The following SMYD3 variants were observed in gnomAD, a reference collection of about 807,000 sequenced individuals.
The protein encoded by SMYD3 is histone-lysine N-methyltransferase SMYD3.
Under a neutral mutation model 57.7 loss-of-function variants are expected in SMYD3, and 36 were observed. The ratio of observed to expected loss-of-function variants is 0.62; its 90% CI spans 0.48 to 0.82. The LOEUF (loss-of-function observed/expected upper bound fraction) is 0.82. Ranked by LOEUF, SMYD3 falls within the 40% of genes least tolerant of loss-of-function variation. The probability of loss-of-function intolerance (pLI) is 0.00; values close to 1 mark genes in which losing one functional copy is unlikely to be tolerated. For missense variants in SMYD3, 515 were observed against 538.8 expected, an observed-to-expected ratio of 0.96 and a Z score of 0.44; for synonymous variants, 211 against 195.0, an observed-to-expected ratio of 1.08 and a Z score of -0.68.
At chr1:246,117,723 T>C (rs970265734) in intron 5 of SMYD3, among the ~76,000 whole-genome samples, 1 of 152,218 alleles carries the variant, frequency 6.6e-6, no homozygotes, top group African/African-American at 2.4e-5. Flanking sequence ...ATGTGCAGGA[T>C]GTGCAGGTTT....
intron 8 of SMYD3, among the ~76,000 whole-genome samples, chr1:245,893,684 G>A (rs1191352209): frequency 6.6e-6 from 1 of 152,202 alleles, no homozygotes; most frequent in South Asian, 2.1e-4. Context: ...GGTGCTGGGA[G>A]TGGGGTATAG....
At chr1:245,780,834 A>C (rs2046802346) in intron 10 of SMYD3, among the ~76,000 whole-genome samples, 1 of 152,246 alleles carries the variant, frequency 6.6e-6, no homozygotes, top group Non-Finnish European at 1.5e-5. Context: ...ATCATAGCCA[A>C]AAAAGTGGAA....
At chr1:245,913,293 A>G (rs1377088752) in intron 8 of SMYD3, among the ~76,000 whole-genome samples, 1 of 150,104 alleles carries the variant, frequency 6.7e-6, no homozygotes, top group Non-Finnish European at 1.5e-5. Context: ...GTTCTCACTC[A>G]TAGGTGGGAA....
intron 11 of SMYD3, among the ~76,000 whole-genome samples, chr1:245,761,415 T>C (rs1315988905): frequency 6.6e-6 from 1 of 152,184 alleles, no homozygotes; most frequent in Non-Finnish European, 1.5e-5. Flanking sequence ...TGATGGTCAG[T>C]ACCATCAGCC....
chr1:245,911,200 AAAAGT>A (rs1476970347), intron 8 of SMYD3, among the ~76,000 whole-genome samples: 1 of 152,162 alleles, frequency 6.6e-6, no homozygotes, highest in African/African-American at 2.4e-5. Context: ...GCTACTATAA[AAAAGT>A]AAGAAAATAA....
chr1:246,188,417 T>A (rs566118268), intron 5 of SMYD3, among the ~76,000 whole-genome samples: 18 of 152,334 alleles, frequency 1.2e-4, no homozygotes, highest in African/African-American at 2.4e-4. Context: ...CTGACTTTTT[T>A]AAAAATATTT....
chr1:245,784,717 C>CA (rs1357466440), intron 10 of SMYD3, among the ~76,000 whole-genome samples: 1 of 152,118 alleles, frequency 6.6e-6, no homozygotes, highest in African/African-American at 2.4e-5. Flanking sequence ...AGGACCAAGG[C>CA]AGAAGCTGCA....
chr1:246,004,630 A>T (rs1449078451), intron 5 of SMYD3, among the ~76,000 whole-genome samples: 2 of 152,150 alleles, frequency 1.3e-5, no homozygotes, highest in Non-Finnish European at 2.9e-5. Flanking sequence ...AAACAAAATA[A>T]CCTTTCCAGG....
At chr1:246,421,804 C>G (rs911573301) in intron 1 of SMYD3, among the ~76,000 whole-genome samples, 29 of 152,182 alleles carry the variant, frequency 1.9e-4, no homozygotes, top group Non-Finnish European at 3.4e-4. Flanking sequence ...AGAACACACT[C>G]GAAAGCTGGG....
chr1:246,365,904 A>G (rs2066093482), intron 1 of SMYD3, among the ~76,000 whole-genome samples: 1 of 152,168 alleles, frequency 6.6e-6, no homozygotes, highest in Non-Finnish European at 1.5e-5. Context: ...AAACCTCTTT[A>G]AGATGAATTC....
At chr1:245,884,958 T>C (rs1038805144) in intron 8 of SMYD3, among the ~76,000 whole-genome samples, 6 of 152,112 alleles carry the variant, frequency 3.9e-5, no homozygotes, top group Non-Finnish European at 7.4e-5. Context: ...GTTCTTTTGC[T>C]CTTCACAATA....
chr1:246,217,632 A>C (rs1029046431), intron 5 of SMYD3, among the ~76,000 whole-genome samples: 2 of 152,202 alleles, frequency 1.3e-5, no homozygotes, highest in Non-Finnish European at 2.9e-5. Flanking sequence ...TGGTATTATC[A>C]GAATTTAAAG....
At chr1:246,298,715 A>G (rs2148609144) in intron 5 of SMYD3, among the ~76,000 whole-genome samples, 1 of 152,174 alleles carries the variant, frequency 6.6e-6, no homozygotes, top group Admixed American at 6.5e-5. Context: ...ATACTTCATC[A>G]TATAAAGAAG....
intron 5 of SMYD3, among the ~76,000 whole-genome samples, chr1:246,000,466 G>C (rs961910993): frequency 2.0e-5 from 3 of 152,140 alleles, no homozygotes; most frequent in Admixed American, 6.5e-5. Flanking sequence ...GCTGTGGTCT[G>C]CAGGGGGCGT....
chr1:245,947,011 A>C (rs2057448089), intron 5 of SMYD3, among the ~76,000 whole-genome samples: 1 of 152,188 alleles, frequency 6.6e-6, no homozygotes, highest in South Asian at 2.1e-4. Context: ...ATCAATTTAG[A>C]AACAAATGAG....
chr1:246,496,784 C>A (rs1164080093), intron 1 of SMYD3, among the ~76,000 whole-genome samples: 1 of 152,142 alleles, frequency 6.6e-6, no homozygotes, highest in African/African-American at 2.4e-5. Context: ...AGGAGCACAC[C>A]ACTGCACTCC....
intron 5 of SMYD3, among the ~76,000 whole-genome samples, chr1:246,310,968 TAACAGTAA>T (rs1467978080): frequency 6.6e-6 from 1 of 152,128 alleles, no homozygotes; most frequent in Non-Finnish European, 1.5e-5. Flanking sequence ...ACACCTGGCC[TAACAGTAA>T]GGCTTTAAAG....
intron 8 of SMYD3, among the ~76,000 whole-genome samples, chr1:245,897,970 G>A (rs1421723955): frequency 6.6e-6 from 1 of 152,150 alleles, no homozygotes; most frequent in Non-Finnish European, 1.5e-5. Flanking sequence ...ACTCGCTGTG[G>A]AAGTCCAGTA....
chr1:245,764,185 C>T, intron 10 of SMYD3, 36 bp from the exon 11 acceptor site: 2 of 1,438,754 alleles, frequency 1.4e-6, no homozygotes, highest in South Asian at 2.3e-5. Context: ...TGTCAGCAGC[C>T]CTCACCTTTG....
Sources: gnomAD v4.1 joint callset for allele counts (sites outside exome capture counted in the v4.1 genomes callset) on GRCh38, gnomAD v4.1.1 for gene constraint, MANE v1.5 for transcripts, NCBI Gene and HGNC (gene_info 2026-07-23, HGNC 2026-07-21) for gene names.